Variants in PHLPP2 observed in about 807,000 individuals in gnomAD.
PHLPP2 encodes PH domain and leucine rich repeat protein phosphatase 2.
PHLPP2 carries 66 observed loss-of-function variants against 124.9 expected under a neutral mutation model. The observed-to-expected ratio is 0.53, with a 90% CI of 0.43 to 0.65. PHLPP2 has a LOEUF of 0.65. Ranked by LOEUF, PHLPP2 falls within the 30% of genes least tolerant of loss-of-function variation. The pLI is 0.00. For synonymous variants in PHLPP2, 681 were observed against 624.7 expected, an observed-to-expected ratio of 1.09 and a Z score of -1.34; for missense variants, 1,685 against 1,600.4, an observed-to-expected ratio of 1.05 and a Z score of -0.90.
chr16:71,672,105 C>T (rs1313167586), intron 10 of PHLPP2, among the ~76,000 whole-genome samples, 157 bp downstream of exon 10: 1 of 152,162 alleles, frequency 6.6e-6, no homozygotes, highest in Admixed American at 6.5e-5. Context: ...TACAGTAAGG[C>T]TATTAAACTT....
At chr16:71,679,642 G>T (rs903419830) in intron 6 of PHLPP2, 107 bp from the exon 7 acceptor site, 7 of 920,002 alleles carry the variant, frequency 7.6e-6, no homozygotes, top group African/African-American at 6.7e-5. Context: ...GTCTATAATA[G>T]AATTTATTCC....
intron 10 of PHLPP2, among the ~76,000 whole-genome samples, chr16:71,670,122 C>T (rs2145325906): frequency 6.6e-6 from 1 of 152,230 alleles, no homozygotes; most frequent in African/African-American, 2.4e-5. Context: ...GAGCACATTC[C>T]AAGCACAGGG....
intron 16 of PHLPP2, 60 bp downstream of exon 16, chr16:71,656,511 G>C (rs1295096201): frequency 2.1e-6 from 2 of 934,578 alleles, no homozygotes; most frequent in African/African-American, 1.6e-5. Context: ...CATCAGGCCA[G>C]TTCTCAGATG....
Position 71,663,957 on chromosome 16 carries a change from G to A in PHLPP2, c.1927C>T (p.His643Tyr), listed in dbSNP as rs766541885. The change falls in exon 13 of 19, where the codon CAC becomes TAC. Residue 643 changes from histidine to tyrosine, a missense_variant. His to Tyr is a moderately conservative substitution (Grantham distance 83). Coordinates refer to ENST00000568954, the MANE Select transcript of PHLPP2 (RefSeq NM_015020.3). ...AGGTGCAAGATTCGCAGGTGCAGGT[G>A]CCCTACCAGGACAGGTATGCACTGA... ...TDQCIPVLVGHLHLRILHLAN... is the reference protein window; with the variant it reads ...TDQCIPVLVGYLHLRILHLAN... 2 of 1,614,034 alleles carry A rather than the reference G, an allele frequency of 1.2e-6. No individual in the cohort carries two copies. The highest frequency in any genetic ancestry group is 3.3e-5 in the Admixed American group (2 of 60,020).
At chr16:71,686,227 C>T (rs1325406509) in intron 4 of PHLPP2, among the ~76,000 whole-genome samples, 1 of 152,162 alleles carries the variant, frequency 6.6e-6, no homozygotes, top group Non-Finnish European at 1.5e-5. Flanking sequence ...GGCTGGAGTA[C>T]AATGGCGTGA....
At chr16:71,719,852 C>T (rs2045386548) in intron 1 of PHLPP2, among the ~76,000 whole-genome samples, 1 of 152,042 alleles carries the variant, frequency 6.6e-6, no homozygotes, top group Non-Finnish European at 1.5e-5. Context: ...GGCTGGAGTG[C>T]CGTGGCACGA....
At chr16:71,686,793 G>C (rs937686256) in intron 4 of PHLPP2, among the ~76,000 whole-genome samples, 1 of 148,916 alleles carries the variant, frequency 6.7e-6, no homozygotes, top group Non-Finnish European at 1.5e-5. Flanking sequence ...TCGCTTAGCA[G>C]TATTTCCTGG....
intron 3 of PHLPP2, among the ~76,000 whole-genome samples, chr16:71,697,788 A>G (rs1179604909): frequency 2.0e-5 from 3 of 151,790 alleles, no homozygotes; most frequent in Non-Finnish European, 4.4e-5. Flanking sequence ...AACGCAAATA[A>G]GAGGTTTGCT....
At chr16:71,663,831 T>C (rs2044814728) in intron 13 of PHLPP2, 68 bp downstream of exon 13, 3 of 1,228,810 alleles carry the variant, frequency 2.4e-6, no homozygotes, top group East Asian at 2.4e-5. Flanking sequence ...CAGATGGCTA[T>C]ATTTTTTCTG....
At chr16:71,708,002 AAT>A (rs1174676221) in intron 2 of PHLPP2, among the ~76,000 whole-genome samples, 3 of 152,168 alleles carry the variant, frequency 2.0e-5, no homozygotes, top group Non-Finnish European at 4.4e-5. Context: ...TCACCCCTGT[AAT>A]ACGAGCACTT....
intron 2 of PHLPP2, among the ~76,000 whole-genome samples, chr16:71,704,374 A>G (rs1318272576): frequency 6.8e-6 from 1 of 147,986 alleles, no homozygotes; most frequent in Non-Finnish European, 1.5e-5. Context: ...TGCATTTCCC[A>G]TCATGACAAA....
Position 71,724,370 on chromosome 16 carries a change from A to G in PHLPP2, c.-48T>C, listed in dbSNP as rs571834718. 1 of 152,244 alleles carries G rather than the reference A, an allele frequency of 6.6e-6. No homozygotes were observed. The highest frequency in any genetic ancestry group is 1.5e-5 in the Non-Finnish European group (1 of 68,032). 9.4% of individuals were successfully genotyped at this position (152,244 alleles called of 1,614,324 possible). On this transcript the variant is annotated 5_prime_UTR_variant, in exon 1 of 19. Coordinates refer to ENST00000568954, the MANE Select transcript of PHLPP2 (RefSeq NM_015020.3). ...CTCTTCCTTATCAGAGATGCGTGCG[A>G]CCTTCTTAAGCAAATTCAACCCAAC... is the stretch of plus-strand genomic sequence containing the variant.
chr16:71,712,033 T>C (rs1567629808), intron 2 of PHLPP2, among the ~76,000 whole-genome samples: 1 of 152,258 alleles, frequency 6.6e-6, no homozygotes, highest in Non-Finnish European at 1.5e-5. Context: ...CTGCCTGTCC[T>C]TGAGCAGGTT....
chr16:71,690,637 G>C lies in PHLPP2; in HGVS notation c.491C>G (p.Thr164Ser). 1.2e-6 allele frequency: 2 copies of C among 1,613,260 alleles called. No individual in the cohort carries two copies. The highest frequency in any genetic ancestry group is 1.7e-6 in the Non-Finnish European group (2 of 1,179,236). Residue 164 changes from threonine to serine, a missense_variant, in exon 4 of 19, where the codon ACC becomes AGC. Physicochemically the swap from Thr to Ser is moderately conservative, Grantham distance 58 (BLOSUM62 1). Coordinates refer to ENST00000568954, the MANE Select transcript of PHLPP2 (RefSeq NM_015020.3). ...GCGCTCAGCCCACTTATGCAGCTGG[G>C]TCTTTCCCTTGCGTACATTATAGAT... ...SGIYNVRKGK[T>S]QLHKWAERLV...
Position 71,656,674 on chromosome 16 carries a change from T to A in PHLPP2, c.2287A>T (p.Thr763Ser). The A allele has an allele frequency of 6.3e-7, 1 of 1,594,310 alleles. No homozygotes were observed. The highest frequency in any genetic ancestry group is 8.6e-7 in the Non-Finnish European group (1 of 1,162,052). The stretch of plus-strand genomic sequence containing the variant: ...GGTTTCTGATCAATTTTCAGGGTTG[T>A]GATATGGCTGTGGGAGGTGAAGGAA... ...HKTLDIFSHI[T>S]TLKIDQKPLP... Residue 763 changes from threonine (T) to serine (S), a missense_variant, in exon 16 of 19, where the codon ACA becomes TCA. By Grantham distance (58) the Thr-to-Ser change is moderately conservative. Transcript: ENST00000568954.
intron 2 of PHLPP2, among the ~76,000 whole-genome samples, chr16:71,714,024 T>C (rs892230008): frequency 6.6e-6 from 1 of 151,520 alleles, no homozygotes; most frequent in Admixed American, 6.6e-5. Flanking sequence ...ACCGCAACCT[T>C]GGTCTCCCAG....
At position 71,678,881 on chromosome 16, in the gene PHLPP2, C is replaced by A; in HGVS notation, c.1142G>T (p.Ser381Ile). The change falls in exon 8 of 19, where the codon AGT (serine) becomes ATT (isoleucine). Residue 381 changes from serine to isoleucine, a missense_variant. Ser to Ile is a moderately radical substitution (Grantham distance 142, BLOSUM62 -2). Transcript: ENST00000568954. ...SSLGISFNNFSQIPEVYEKLT... is the reference protein window; with the variant it reads ...SSLGISFNNFIQIPEVYEKLT... ...TTTCTCATAAACCTCAGGAATTTGACTAAAGTTGTTGAAGGAAATTCCCAA... is the reference window on the plus strand; with the variant it reads ...TTTCTCATAAACCTCAGGAATTTGAATAAAGTTGTTGAAGGAAATTCCCAA... 10 of 1,611,584 alleles carry A rather than the reference C, an allele frequency of 6.2e-6. No homozygotes were observed. Among genetic ancestry groups the A allele is most frequent in the Non-Finnish European group, 8.5e-6 (10 of 1,177,832 alleles).
intron 3 of PHLPP2, among the ~76,000 whole-genome samples, chr16:71,692,006 G>A (rs186556400): frequency 3.3e-5 from 5 of 151,678 alleles, no homozygotes; most frequent in Non-Finnish European, 7.4e-5. Context: ...AGGAGTAGCA[G>A]TATGAGGTGG....
In PHLPP2 at chr16:71,663,919, C is replaced by T; in HGVS notation, c.1965G>A (p.Gln655=). The change falls in exon 13 of 19, where the codon CAG becomes CAA. Residue 655 remains glutamine, a synonymous_variant. Transcript: ENST00000568954. ...HLRILHLANN[Q]LQTFPASKLN... is the part of the protein sequence containing the mutation. ...TTTACCTTGCAGGAAAGGTCTGTAA[C>T]TGATTGTTTGCAAGGTGCAAGATTC... 6.2e-7 allele frequency: 1 copy of T among 1,613,704 alleles called. No homozygotes were observed. The highest frequency in any genetic ancestry group is 1.1e-5 in the South Asian group (1 of 91,070).
Sources: gnomAD v4.1 joint callset for allele counts (sites outside exome capture counted in the v4.1 genomes callset) on GRCh38, gnomAD v4.1.1 for gene constraint, MANE v1.5 for transcripts, NCBI Gene and HGNC (gene_info 2026-07-23, HGNC 2026-07-21) for gene names.